NFATC3: variants seen among roughly 807,000 people sequenced by gnomAD.
NFATC3 encodes the protein nuclear factor of activated T-cells, cytoplasmic 3.
NFATC3 carries 46 observed loss-of-function variants against 98.6 expected under a neutral mutation model. The observed-to-expected ratio is 0.47, with a 90% CI of 0.37 to 0.60. The LOEUF (loss-of-function observed/expected upper bound fraction) is 0.60, where lower values mean the gene tolerates loss of function less well. Ranked by LOEUF, NFATC3 falls within the 20% of genes least tolerant of loss-of-function variation. The probability of loss-of-function intolerance (pLI) is 0.00; values close to 1 mark genes in which losing one functional copy is unlikely to be tolerated. For synonymous variants in NFATC3, 512 were observed against 472.2 expected, an observed-to-expected ratio of 1.08 and a Z score of -1.09; for missense variants, 1,256 against 1,295.5, an observed-to-expected ratio of 0.97 and a Z score of 0.47.
chr16:68,180,796 T>A (rs1467127385), intron 6 of NFATC3, among the ~76,000 whole-genome samples: 1 of 152,186 alleles, frequency 6.6e-6, no homozygotes, highest in Non-Finnish European at 1.5e-5. Context: ...AGAATGATGG[T>A]TTCCAGCTTC....
At chr16:68,203,700 C>T (rs555187142) in intron 9 of NFATC3, among the ~76,000 whole-genome samples, 2 of 152,164 alleles carry the variant, frequency 1.3e-5, no homozygotes, top group South Asian at 4.1e-4. Flanking sequence ...GAGAGGCTAC[C>T]ACTAAAGCAG....
chr16:68,216,591 G>T (rs1424811217), intron 9 of NFATC3, among the ~76,000 whole-genome samples: 3 of 151,726 alleles, frequency 2.0e-5, no homozygotes, highest in African/African-American at 7.3e-5. Flanking sequence ...GAGTGCATTG[G>T]CATCATACTG....
chr16:68,224,381 A>G (rs1302558898), intron 9 of NFATC3, among the ~76,000 whole-genome samples: 2 of 150,868 alleles, frequency 1.3e-5, no homozygotes, highest in Admixed American at 6.6e-5. Flanking sequence ...GGTTCAAGCA[A>G]TTCTCCTGCC....
In NFATC3 at chr16:68,226,253, A is replaced by G; in HGVS notation, c.3107-97A>G. 2.1e-6 allele frequency: 3 copies of G among 1,409,810 alleles called. No homozygotes were observed. In the Admixed American group the frequency reaches 8.5e-5, roughly 40 times the overall value. 87.3% of individuals were successfully genotyped at this position (1,409,810 alleles called of 1,614,324 possible). On this transcript the variant is annotated intron_variant, in intron 9 of 9. Coordinates refer to ENST00000346183, the MANE Select transcript of NFATC3 (RefSeq NM_173165.3). ...ACTGCCTTTATCTTTACAGAAAGCC[A>G]TGGGAAGGGAAATGTCTGAGGTAGA...
chr16:68,149,469 C>G (rs2038204628), intron 3 of NFATC3, among the ~76,000 whole-genome samples: 1 of 152,086 alleles, frequency 6.6e-6, no homozygotes. Flanking sequence ...TAACTGTAAC[C>G]AAATAAGTTG....
intron 4 of NFATC3, among the ~76,000 whole-genome samples, chr16:68,166,356 G>A (rs1275717802): frequency 6.6e-6 from 1 of 152,150 alleles, no homozygotes; most frequent in Non-Finnish European, 1.5e-5. Context: ...GGCTAGGGTG[G>A]CTGGGTGGCT....
intron 3 of NFATC3, among the ~76,000 whole-genome samples, chr16:68,135,789 G>A (rs1353494014): frequency 6.6e-6 from 1 of 152,098 alleles, no homozygotes; most frequent in Non-Finnish European, 1.5e-5. Context: ...TAGGCTGGGT[G>A]CGGTGGCTCA....
At chr16:68,163,062 G>C (rs1008059712) in intron 4 of NFATC3, among the ~76,000 whole-genome samples, 2 of 152,068 alleles carry the variant, frequency 1.3e-5, no homozygotes, top group African/African-American at 4.8e-5. Context: ...ACAGGGTTGG[G>C]GGTAAGGTCA....
intron 9 of NFATC3, among the ~76,000 whole-genome samples, chr16:68,196,009 C>T (rs1018567375): frequency 1.3e-5 from 2 of 152,136 alleles, no homozygotes; most frequent in Admixed American, 6.5e-5. Flanking sequence ...AGGCATGTGC[C>T]ACCACACCTG....
intron 3 of NFATC3, among the ~76,000 whole-genome samples, chr16:68,137,450 T>C (rs1047271434): frequency 1.3e-5 from 2 of 152,150 alleles, no homozygotes; most frequent in Non-Finnish European, 1.5e-5. Context: ...ACCACTGTTA[T>C]GTAGCTCATG....
At chr16:68,093,732 G>T (rs892138161) in intron 1 of NFATC3, among the ~76,000 whole-genome samples, 3 of 152,178 alleles carry the variant, frequency 2.0e-5, no homozygotes, top group African/African-American at 7.2e-5. Flanking sequence ...AATGCAGATG[G>T]ATTTGACCAT....
chr16:68,135,887 A>AC (rs1425166484), intron 3 of NFATC3, among the ~76,000 whole-genome samples: 146 of 151,994 alleles, frequency 9.6e-4, no homozygotes, highest in South Asian at 1.7e-3. Context: ...ACACCGTGAA[A>AC]CCCCCACTCT....
chr16:68,112,500 ACTC>A (rs2036010458), intron 1 of NFATC3, among the ~76,000 whole-genome samples: 1 of 148,820 alleles, frequency 6.7e-6, no homozygotes, highest in African/African-American at 2.5e-5. Context: ...CTGGTCTTGA[ACTC>A]CTGGTCTCGT....
intron 4 of NFATC3, among the ~76,000 whole-genome samples, chr16:68,162,740 A>G (rs996235092): frequency 3.9e-5 from 6 of 151,978 alleles, no homozygotes; most frequent in Non-Finnish European, 8.8e-5. Context: ...ATCAAAGAAC[A>G]TGTTGATCAT....
chr16:68,164,864 G>A (rs1258249270), intron 4 of NFATC3, among the ~76,000 whole-genome samples: 1 of 152,104 alleles, frequency 6.6e-6, no homozygotes, highest in Admixed American at 6.5e-5. Flanking sequence ...TGGTGACAGA[G>A]CAAGACTCAG....
chr16:68,087,314 C>T (rs1301840059), intron 1 of NFATC3, among the ~76,000 whole-genome samples: 2 of 152,080 alleles, frequency 1.3e-5, no homozygotes, highest in Non-Finnish European at 2.9e-5. Flanking sequence ...TGTGTGACTA[C>T]ATAAGTAGGA....
intron 9 of NFATC3, among the ~76,000 whole-genome samples, chr16:68,208,401 C>G (rs200691046): frequency 6.6e-6 from 1 of 151,994 alleles, no homozygotes. Context: ...CTTTTTGATG[C>G]CACTGTAAAT....
In NFATC3 at chr16:68,197,748, T is replaced by A. The variant is rs530113250; in HGVS notation, c.3106+5973T>A. ...TCTACAACCACAGGACACGGTAATT[T>A]AAAAAAATTTTTGCTATACTACTTA... On this transcript the variant is annotated intron_variant, in intron 9 of 9. Transcript: ENST00000346183. Among the ~76,000 whole-genome samples the A allele has an allele frequency of 4.6e-5, 7 of 152,356 alleles. No homozygotes were observed. The South Asian group carries it at 1.4e-3, about 32-fold the overall frequency.
At chr16:68,156,369 G>A (rs2038617981) in intron 3 of NFATC3, among the ~76,000 whole-genome samples, 1 of 152,098 alleles carries the variant, frequency 6.6e-6, no homozygotes, top group East Asian at 1.9e-4. Context: ...TGGGGACAAA[G>A]ATACAAGAGA....
Sources: allele counts gnomAD v4.1 joint callset (sites outside exome capture counted in the v4.1 genomes callset), GRCh38; gene constraint gnomAD v4.1.1; transcripts MANE v1.5; gene names NCBI Gene and HGNC (gene_info 2026-07-23, HGNC 2026-07-21).